The following GABRB3 variants were observed in gnomAD, a reference collection of about 807,000 sequenced individuals.
GABRB3 encodes gamma-aminobutyric acid type A receptor subunit beta3, also known as gamma-aminobutyric acid receptor subunit beta-3.
In GABRB3, 14 loss-of-function variants were observed where a neutral mutation model predicts 52.1. That is an observed-to-expected ratio of 0.27 (90% CI 0.18 to 0.42). The LOEUF is 0.42. Ranked by LOEUF, GABRB3 falls within the 10% of genes least tolerant of loss-of-function variation. The pLI, the probability that GABRB3 is intolerant of heterozygous loss-of-function variation, is 1.00. For synonymous variants in GABRB3, 260 were observed against 232.3 expected (o/e 1.12, Z -1.08); for missense variants, 307 against 609.1 (o/e 0.50, Z 5.22).
chr15:26,665,277 T>TA (rs1887674071), intron 3 of GABRB3, among the ~76,000 whole-genome samples: 1 of 152,160 alleles, frequency 6.6e-6, no homozygotes, highest in African/African-American at 2.4e-5. Flanking sequence ...CTCACCACTC[T>TA]ACTCTCTCTC....
At chr15:26,743,006 T>C (rs898132707) in intron 3 of GABRB3, among the ~76,000 whole-genome samples, 4 of 131,616 alleles carry the variant, frequency 3.0e-5, no homozygotes, top group African/African-American at 1.1e-4. Flanking sequence ...CTCAGCACAC[T>C]GCAACCTCCG....
chr15:26,747,845 T>C (rs1486301267), intron 3 of GABRB3, among the ~76,000 whole-genome samples: 1 of 152,094 alleles, frequency 6.6e-6, no homozygotes, highest in Admixed American at 6.6e-5. Context: ...ATTCTCTTTA[T>C]AAATTAAGGA....
chr15:26,621,616 G>A lies in GABRB3; in HGVS notation c.241-82C>T. The stretch of plus-strand genomic sequence containing the variant: ...CTCCACGACCAGCCAAATTCAGGTT[G>A]CAATCTAGGCTCTACAGTGAATAAC... On this transcript the variant is annotated intron_variant, in intron 3 of 8. Coordinates refer to ENST00000311550, the MANE Select transcript of GABRB3 (RefSeq NM_000814.6). This position sits in a 1 kb window ranked among gnomAD's most constrained non-coding sequence, Gnocchi z 4.1. The A allele has an allele frequency of 9.3e-7, 1 of 1,071,436 alleles. No homozygotes were observed. The allele number at this position is 1,071,436 out of a possible 1,614,324, so 66.4% of individuals were successfully genotyped here.
At chr15:26,769,441 T>G in intron 3 of GABRB3, among the ~76,000 whole-genome samples, 1 of 152,196 alleles carries the variant, frequency 6.6e-6, no homozygotes, top group Non-Finnish European at 1.5e-5. Context: ...AATTACCTGC[T>G]TTAAAACCTT....
intron 3 of GABRB3, among the ~76,000 whole-genome samples, chr15:26,623,571 T>A (rs1465060616): frequency 6.6e-6 from 1 of 152,050 alleles, no homozygotes; most frequent in African/African-American, 2.4e-5. Context: ...AGTCCAGAGG[T>A]CTTTTATTTT....
chr15:26,768,307 C>T (rs991489236), intron 3 of GABRB3, among the ~76,000 whole-genome samples: 1 of 152,132 alleles, frequency 6.6e-6, no homozygotes, highest in Admixed American at 6.5e-5. Context: ...ATTATCATTA[C>T]TATCACTAGA....
At chr15:26,643,675 G>A (rs1358278329) in intron 3 of GABRB3, among the ~76,000 whole-genome samples, 1 of 151,812 alleles carries the variant, frequency 6.6e-6, no homozygotes, top group African/African-American at 2.4e-5. Context: ...TCTGACACAC[G>A]GGAAGTCCCC....
chr15:26,765,068 T>C (rs1745056087), intron 3 of GABRB3, among the ~76,000 whole-genome samples: 1 of 141,368 alleles, frequency 7.1e-6, no homozygotes. Flanking sequence ...AGGCAGAGCT[T>C]GCAGTGAGCC....
chr15:26,659,791 G>C (rs369229461), intron 3 of GABRB3, among the ~76,000 whole-genome samples: 1 of 152,074 alleles, frequency 6.6e-6, no homozygotes, highest in East Asian at 1.9e-4. Context: ...CATGAGCACC[G>C]GCCTGCACTG....
intron 3 of GABRB3, chr15:26,642,531 G>A: frequency 7.8e-7 from 1 of 1,282,116 alleles, no homozygotes; most frequent in Non-Finnish European, 1.0e-6. Context: ...TGCATAGCCT[G>A]CAAAGAAATG....
intron 3 of GABRB3, among the ~76,000 whole-genome samples, chr15:26,760,963 G>A (rs968834168): frequency 6.6e-6 from 1 of 152,174 alleles, no homozygotes; most frequent in African/African-American, 2.4e-5. Flanking sequence ...AGGTCCCAGA[G>A]AGGCCTCTGC....
chr15:26,658,006 A>G (rs1033297476), intron 3 of GABRB3, among the ~76,000 whole-genome samples: 1 of 152,222 alleles, frequency 6.6e-6, no homozygotes, highest in Admixed American at 6.5e-5. Flanking sequence ...GCCAGAGGCC[A>G]CAAGGTTCCA....
intron 3 of GABRB3, among the ~76,000 whole-genome samples, chr15:26,668,141 T>C (rs1887772791): frequency 6.6e-6 from 1 of 152,190 alleles, no homozygotes; most frequent in Non-Finnish European, 1.5e-5. Context: ...ACCTTGATTA[T>C]CTTCCCTATA....
At chr15:26,554,190 A>AAAGAGTGTAT (rs1567097853) in intron 8 of GABRB3, among the ~76,000 whole-genome samples, 1 of 31,542 alleles carries the variant, frequency 3.2e-5, no homozygotes, top group African/African-American at 8.5e-5. Context: ...ATATATATAT[A>AAAGAGTGTAT]CTATATATAT....
chr15:26,699,845 TAAG>T, intron 3 of GABRB3, among the ~76,000 whole-genome samples: 1 of 151,722 alleles, frequency 6.6e-6, no homozygotes, highest in Non-Finnish European at 1.5e-5. Flanking sequence ...GCTGCTTAAA[TAAG>T]AAATATTTAA....
intron 7 of GABRB3, among the ~76,000 whole-genome samples, chr15:26,565,099 G>C (rs1890116953): frequency 6.6e-6 from 1 of 152,176 alleles, no homozygotes; most frequent in Non-Finnish European, 1.5e-5. Flanking sequence ...CTACATGAAT[G>C]GCCTTAGCAG....
At chr15:26,667,471 G>A (rs1400162833) in intron 3 of GABRB3, among the ~76,000 whole-genome samples, 1 of 152,196 alleles carries the variant, frequency 6.6e-6, no homozygotes, top group Non-Finnish European at 1.5e-5. Flanking sequence ...AGTTCTACCT[G>A]GAGCATGTGA....
chr15:26,608,991 C>T (rs1891947673), intron 4 of GABRB3, among the ~76,000 whole-genome samples: 1 of 151,882 alleles, frequency 6.6e-6, no homozygotes, highest in Admixed American at 6.6e-5. Flanking sequence ...GGGATGTTAG[C>T]ACTCCCAAGT....
intron 4 of GABRB3, among the ~76,000 whole-genome samples, chr15:26,606,184 G>A (rs1003025731): frequency 2.0e-5 from 3 of 150,960 alleles, no homozygotes; most frequent in African/African-American, 7.3e-5. Flanking sequence ...CATATTAGGT[G>A]GGGATGGTTA....
Sources: gnomAD v4.1 joint callset for allele counts (sites outside exome capture counted in the v4.1 genomes callset) on GRCh38, gnomAD v4.1.1 for gene constraint, Gnocchi (gnomAD v3.1) non-coding constraint, MANE v1.5 for transcripts, NCBI Gene and HGNC (gene_info 2026-07-23, HGNC 2026-07-21) for gene names.